Variants in MBOAT2 observed in about 807,000 individuals in gnomAD.
The protein encoded by MBOAT2 is membrane bound glycerophospholipid O-acyltransferase 2.
In MBOAT2, 28 loss-of-function variants were observed where a neutral mutation model predicts 63.4. The observed-to-expected ratio is 0.44, with a 90% CI of 0.33 to 0.61. The LOEUF is 0.61. Among genes scored for constraint, MBOAT2 ranks in the 20% least tolerant of loss-of-function variants. The pLI is 0.03. For synonymous variants in MBOAT2, 211 were observed against 215.6 expected, an observed-to-expected ratio of 0.98 and a Z score of 0.19; for missense variants, 470 against 605.8, an observed-to-expected ratio of 0.78 and a Z score of 2.35.
At chr2:8,979,450 G>A (rs930973164) in intron 1 of MBOAT2, among the ~76,000 whole-genome samples, 10 of 151,976 alleles carry the variant, frequency 6.6e-5, no homozygotes, top group East Asian at 3.9e-4. Flanking sequence ...CTAGGAAATC[G>A]TTAAAATAAT....
intron 5 of MBOAT2, among the ~76,000 whole-genome samples, chr2:8,885,590 C>T (rs1426519465): frequency 1.3e-5 from 2 of 152,030 alleles, no homozygotes; most frequent in African/African-American, 4.8e-5. Flanking sequence ...CTACACTATC[C>T]CTAAAGGCCA....
Position 8,857,096 on chromosome 2 carries a change from G to A in MBOAT2, c.*1583C>T, listed in dbSNP as rs943145814. 1.3e-5 allele frequency: 2 copies of A among 152,500 alleles called. No homozygotes were observed. The highest frequency in any genetic ancestry group is 4.8e-5 in the African/African-American group (2 of 41,380). 9.4% of individuals were successfully genotyped at this position (152,500 alleles called of 1,614,324 possible). A position where few individuals can be genotyped will look rare whatever the true frequency, so the allele number is the denominator to read the frequency against. On this transcript the variant is annotated 3_prime_UTR_variant, in exon 13 of 13. Transcript: ENST00000305997. ...ATTATATAGCATAAGCCAGATGGTT[G>A]CCTTGTCTTTAACTTCATTTGCAAA...
At chr2:8,877,892 C>CG (rs1473932193) in intron 6 of MBOAT2, among the ~76,000 whole-genome samples, 1 of 152,054 alleles carries the variant, frequency 6.6e-6, no homozygotes, top group Non-Finnish European at 1.5e-5. Context: ...AGAGTGGACC[C>CG]GGGGGAAGAG....
chr2:8,921,998 G>A (rs183352524), intron 3 of MBOAT2, among the ~76,000 whole-genome samples: 45 of 152,138 alleles, frequency 3.0e-4, no homozygotes, highest in Non-Finnish European at 5.0e-4. Context: ...TGGAACTCGC[G>A]TTAAACGTTG....
chr2:8,945,093 T>C (rs1668322971), intron 2 of MBOAT2, among the ~76,000 whole-genome samples: 1 of 152,326 alleles, frequency 6.6e-6, no homozygotes, highest in African/African-American at 2.4e-5. Context: ...GTGCCTCATA[T>C]CACCTTAAGG....
chr2:8,908,600 G>A, intron 4 of MBOAT2, 21 bp downstream of exon 4: 1 of 1,415,810 alleles, frequency 7.1e-7, no homozygotes, highest in South Asian at 1.2e-5. Flanking sequence ...ACAGGCTACT[G>A]AATCAAAGTT....
chr2:8,976,712 C>T (rs1046108392), intron 1 of MBOAT2, among the ~76,000 whole-genome samples: 19 of 152,096 alleles, frequency 1.2e-4, no homozygotes, highest in African/African-American at 3.9e-4. Flanking sequence ...CACATCGACA[C>T]GTTTAATCTC....
chr2:8,899,949 C>G (rs912410873), intron 4 of MBOAT2, among the ~76,000 whole-genome samples: 25 of 152,202 alleles, frequency 1.6e-4, no homozygotes, highest in Non-Finnish European at 2.9e-4. Context: ...CTCCTGATAT[C>G]TGCGGCTGAT....
At chr2:9,001,486 T>C (rs775365695) in intron 1 of MBOAT2, among the ~76,000 whole-genome samples, 6 of 152,180 alleles carry the variant, frequency 3.9e-5, no homozygotes, top group African/African-American at 9.7e-5. Flanking sequence ...TCCATCATAA[T>C]CTTACGAGAC....
intron 1 of MBOAT2, among the ~76,000 whole-genome samples, chr2:8,958,952 C>T (rs904744837): frequency 6.6e-6 from 1 of 152,072 alleles, no homozygotes; most frequent in Non-Finnish European, 1.5e-5. Flanking sequence ...AACAAAAAGC[C>T]CAGGGCACCT....
chr2:8,982,993 C>A (rs969468555), intron 1 of MBOAT2, among the ~76,000 whole-genome samples: 4 of 152,034 alleles, frequency 2.6e-5, no homozygotes, highest in African/African-American at 9.7e-5. Context: ...TGAAATAGAA[C>A]AAGGTGTGTG....
At position 8,858,813 on chromosome 2, in the gene MBOAT2, T is replaced by C; in HGVS notation, c.1429A>G (p.Asn477Asp). 1 of 1,614,132 alleles carries C rather than the reference T, an allele frequency of 6.2e-7. No individual in the cohort carries two copies. Among genetic ancestry groups the C allele is most frequent in the Admixed American group, 1.7e-5 (1 of 60,028 alleles). ...KTQRRKNTHE[N>D]IQLSQSKKFD... ...TTTTTGGATTGTGAGAGCTGAATGT[T>C]TTCATGTGTATTCTTTCTTCTTTGA... is the stretch of plus-strand genomic sequence containing the variant. The change falls in exon 13 of 13, where the codon AAC becomes GAC. Residue 477 changes from asparagine to aspartate, a missense_variant. Around this residue, in one of 3 missense-constraint regions of MBOAT2, gnomAD observed 90 missense variants for 84.9 expected, o/e 1.06. Coordinates refer to ENST00000305997, the MANE Select transcript of MBOAT2 (RefSeq NM_138799.4).
rs1181887485 is a variant in MBOAT2, at chr2:8,857,528, G to A, written c.*1151C>T. On this transcript the variant is annotated 3_prime_UTR_variant, in exon 13 of 13. Transcript: ENST00000305997. Reference sequence around the variant, plus strand: ...TTTAATGTGAGAAGAGTTTGAAACTGAATTTATATTATTCTTAAAAAATGT... The same window carrying A: ...TTTAATGTGAGAAGAGTTTGAAACTAAATTTATATTATTCTTAAAAAATGT... 2.6e-5 allele frequency: 4 copies of A among 152,160 alleles called. No individual in the cohort carries two copies. Among genetic ancestry groups the A allele is most frequent in the African/African-American group, 9.7e-5 (4 of 41,420 alleles). The allele number at this position is 152,160 out of a possible 1,614,324, so 9.4% of individuals were successfully genotyped here. A position where few individuals can be genotyped will look rare whatever the true frequency, so the allele number is the denominator to read the frequency against.
At chr2:8,891,743 G>A (rs1219745249) in intron 4 of MBOAT2, among the ~76,000 whole-genome samples, 1 of 152,194 alleles carries the variant, frequency 6.6e-6, no homozygotes, top group East Asian at 1.9e-4. Context: ...GAAATGGGAA[G>A]CTGAAGAAGG....
At chr2:8,995,880 C>T (rs1181227893) in intron 1 of MBOAT2, among the ~76,000 whole-genome samples, 1 of 152,196 alleles carries the variant, frequency 6.6e-6, no homozygotes, top group African/African-American at 2.4e-5. Flanking sequence ...CGTGAGCCAT[C>T]GCGCCCGGCC....
At chr2:8,927,036 T>A (rs1666984314) in intron 3 of MBOAT2, among the ~76,000 whole-genome samples, 1 of 152,158 alleles carries the variant, frequency 6.6e-6, no homozygotes, top group South Asian at 2.1e-4. Context: ...GAAGAAGGGA[T>A]GATTTATTCC....
At chr2:8,982,616 T>A (rs1671277514) in intron 1 of MBOAT2, among the ~76,000 whole-genome samples, 1 of 152,134 alleles carries the variant, frequency 6.6e-6, no homozygotes, top group African/African-American at 2.4e-5. Flanking sequence ...ATTCCCTCCA[T>A]CCATCTACTT....
intron 9 of MBOAT2, among the ~76,000 whole-genome samples, chr2:8,864,980 A>G (rs552541501): frequency 2.2e-4 from 33 of 152,008 alleles, no homozygotes; most frequent in African/African-American, 8.0e-4. Context: ...TCACCTCCCT[A>G]TCAAAACCCT....
rs1279326869 is a variant in MBOAT2, at chr2:8,910,844, GTTTAGGTCCCCAAA to G, written c.300-2142_300-2129del. Reference sequence around the variant, plus strand: ...GAGACAGTTCAAAATGAAAAGAGATGTTTAGGTCCCCAAATTTTACCCACAGGAAGCAGTCTAGG... The same window carrying G: ...GAGACAGTTCAAAATGAAAAGAGATGTTTTACCCACAGGAAGCAGTCTAGG... On this transcript the variant is annotated intron_variant, in intron 3 of 12. Coordinates refer to ENST00000305997, the MANE Select transcript of MBOAT2 (RefSeq NM_138799.4). 2.0e-5 allele frequency among the ~76,000 whole-genome samples: 3 copies of G among 152,116 alleles called. 1 individual carries two copies. The South Asian group carries it at 6.2e-4, about 32-fold the overall frequency.
Sources: gnomAD v4.1 joint callset for allele counts (sites outside exome capture counted in the v4.1 genomes callset) on GRCh38, gnomAD v4.1.1 for gene constraint, gnomAD v4.1.1 regional missense constraint, MANE v1.5 for transcripts, NCBI Gene and HGNC (gene_info 2026-07-23, HGNC 2026-07-21) for gene names.